CDH12: variants seen among roughly 807,000 people sequenced by gnomAD.
The protein encoded by CDH12 is cadherin 12, also known as cadherin-12.
A neutral mutation model predicts 74.1 loss-of-function variants in CDH12; 41 were observed. The ratio of observed to expected loss-of-function variants is 0.55; its 90% CI spans 0.43 to 0.72. The LOEUF is 0.72. CDH12 is among the 30% of genes least tolerant of loss of function. The probability of loss-of-function intolerance (pLI) is 0.00; values close to 1 mark genes in which losing one functional copy is unlikely to be tolerated. For missense variants in CDH12, 945 were observed against 977.2 expected (o/e 0.97, Z 0.44); for synonymous variants, 399 against 355.0 (o/e 1.12, Z -1.39).
chr5:22,420,083 C>T (rs1743573664), intron 2 of CDH12, among the ~76,000 whole-genome samples: 1 of 151,902 alleles, frequency 6.6e-6, no homozygotes, highest in Admixed American at 6.6e-5. Context: ...AAACCTTTGT[C>T]AGATGGATAC....
intron 1 of CDH12, among the ~76,000 whole-genome samples, chr5:22,683,742 T>C (rs1561575249): frequency 6.6e-6 from 1 of 152,192 alleles, no homozygotes; most frequent in Non-Finnish European, 1.5e-5. Flanking sequence ...GCAAGAGAAA[T>C]TTCAAGTATG....
intron 1 of CDH12, among the ~76,000 whole-genome samples, chr5:22,825,484 G>A (rs1257526876): frequency 1.3e-5 from 2 of 152,086 alleles, no homozygotes; most frequent in East Asian, 3.9e-4. Flanking sequence ...ATATGTTCTT[G>A]GAAGAGTAAA....
At chr5:22,054,075 G>C (rs536539683) in intron 5 of CDH12, among the ~76,000 whole-genome samples, 2 of 152,024 alleles carry the variant, frequency 1.3e-5, no homozygotes, top group East Asian at 3.9e-4. Flanking sequence ...CATGTCCTAT[G>C]ATGATGTAGT....
chr5:22,452,880 C>CAAAAAAAAAAAAAAAAAAAAAAAAAAA (rs768945480), intron 2 of CDH12, among the ~76,000 whole-genome samples: 1 of 32,204 alleles, frequency 3.1e-5, no homozygotes, highest in African/African-American at 1.5e-4. Context: ...AACCTAAGAG[C>CAAAAAAAAAAAAAAAAAAAAAAAAAAA]AAAAAAAAAA....
intron 2 of CDH12, among the ~76,000 whole-genome samples, chr5:22,488,422 T>C (rs1410245831): frequency 1.4e-4 from 21 of 152,242 alleles, no homozygotes. Flanking sequence ...GGAAGTCAAG[T>C]GAATGCAGTT....
At chr5:22,279,251 G>A (rs144285835) in intron 3 of CDH12, among the ~76,000 whole-genome samples, 32 of 152,234 alleles carry the variant, frequency 2.1e-4, no homozygotes, top group South Asian at 4.1e-4. Context: ...CAGCTATTAT[G>A]AATAGCTTCA....
chr5:22,688,342 TAAGTC>T lies in CDH12; in HGVS notation c.-523+164711_-523+164715del, dbSNP rs554953530. Among the ~76,000 whole-genome samples, 57 of 152,328 alleles carry T rather than the reference TAAGTC, an allele frequency of 3.7e-4. 1 individual carries two copies. Among genetic ancestry groups the T allele is most frequent in the African/African-American group, 1.2e-3 (51 of 41,572 alleles). On this transcript the variant is annotated intron_variant, in intron 1 of 14. Coordinates refer to ENST00000382254, the MANE Select transcript of CDH12 (RefSeq NM_004061.5). Reference sequence around the variant, plus strand: ...TTTTAACATGTTTAAAGCATTTTAATAAGTCATGTGGGTATAATGATAAAGGAGAA... The same window carrying T: ...TTTTAACATGTTTAAAGCATTTTAATATGTGGGTATAATGATAAAGGAGAA...
chr5:21,852,413 A>G (rs1750519152), intron 7 of CDH12, among the ~76,000 whole-genome samples: 2 of 151,442 alleles, frequency 1.3e-5, no homozygotes, highest in Admixed American at 1.3e-4. Context: ...TGGTAAAACA[A>G]ACTTTTTAAA....
At chr5:22,497,639 T>C (rs1403299728) in intron 2 of CDH12, among the ~76,000 whole-genome samples, 1 of 2,930 alleles carries the variant, frequency 3.4e-4, no homozygotes, top group Non-Finnish European at 9.1e-4. Flanking sequence ...GTCGAATCTC[T>C]TTTTTTTTTT....
rs575511738 is a variant in CDH12 at position 22,360,530 on chromosome 5, A to G, written c.-333+44727T>C. ...GAGGAGCTGGTACCATTCCTTCTGA[A>G]ACTATTGCAATCAATAGGAAAAGAG... On this transcript the variant is annotated intron_variant, in intron 3 of 14. Coordinates refer to ENST00000382254, the MANE Select transcript of CDH12 (RefSeq NM_004061.5). Among the ~76,000 whole-genome samples the G allele has an allele frequency of 1.8e-3, 267 of 152,346 alleles. 2 individuals carry two copies. The highest frequency in any genetic ancestry group is 6.3e-3 in the African/African-American group (264 of 41,578).
chr5:22,779,507 G>A, intron 1 of CDH12, among the ~76,000 whole-genome samples: 1 of 152,106 alleles, frequency 6.6e-6, no homozygotes, highest in East Asian at 1.9e-4. Context: ...AATAACCCCA[G>A]TTGATATAGT....
Position 22,607,711 on chromosome 5 carries a change from C to T in CDH12, c.-522-102347G>A, listed in dbSNP as rs189064345. Among the ~76,000 whole-genome samples the T allele has an allele frequency of 3.6e-3, 552 of 152,268 alleles. 1 individual carries two copies. Among genetic ancestry groups the T allele is most frequent in the African/African-American group, 0.01 (424 of 41,558 alleles). On this transcript the variant is annotated intron_variant, in intron 1 of 14. Transcript: ENST00000382254. Reference sequence around the variant, plus strand: ...GGGAAAAATGGTTTCATGGGCTGGGCCCAGGACCTTCTGCTGTGTGCAGCC... The same window carrying T: ...GGGAAAAATGGTTTCATGGGCTGGGTCCAGGACCTTCTGCTGTGTGCAGCC...
chr5:22,626,269 C>A (rs1180764377), intron 1 of CDH12, among the ~76,000 whole-genome samples: 1 of 152,230 alleles, frequency 6.6e-6, no homozygotes, highest in Non-Finnish European at 1.5e-5. Flanking sequence ...ATCACTGCAG[C>A]TTCTGACACA....
rs577925814 is a variant in CDH12, at chr5:21,980,774, G to A, written c.232-5389C>T. Among the ~76,000 whole-genome samples, 806 of 152,146 alleles carry A rather than the reference G, an allele frequency of 5.3e-3. 8 individuals are homozygous for A. The highest frequency in any genetic ancestry group is 8.3e-3 in the Non-Finnish European group (563 of 67,960). Reference sequence around the variant, plus strand: ...ATTTCTGATTTGGTATTATAGCTCTGCAAATTACTTCACTAATTGTGTTCA... The same window carrying A: ...ATTTCTGATTTGGTATTATAGCTCTACAAATTACTTCACTAATTGTGTTCA... On this transcript the variant is annotated intron_variant, in intron 5 of 14. Coordinates refer to ENST00000382254, the MANE Select transcript of CDH12 (RefSeq NM_004061.5).
At chr5:22,174,085 T>G (rs1434228878) in intron 4 of CDH12, among the ~76,000 whole-genome samples, 2 of 152,088 alleles carry the variant, frequency 1.3e-5, no homozygotes, top group Admixed American at 1.3e-4. Context: ...CACAAAACAT[T>G]TGAAGTAAGT....
Position 22,853,129 on chromosome 5 carries a change from TG to T in CDH12, c.-595del, listed in dbSNP as rs1737631913. ...CAGCAGGGTGCCAACAGCTCAGCCTTGCGCGGAAGGTGAGACCCTTCTCTTC... is the reference window on the plus strand; with the variant it reads ...CAGCAGGGTGCCAACAGCTCAGCCTTCGCGGAAGGTGAGACCCTTCTCTTC... On this transcript the variant is annotated 5_prime_UTR_variant, in exon 1 of 15. Transcript: ENST00000382254. The T allele has an allele frequency of 6.6e-6, 1 of 152,308 alleles. No homozygotes were observed. The highest frequency in any genetic ancestry group is 6.5e-5 in the Admixed American group (1 of 15,288). 9.4% of individuals were successfully genotyped at this position (152,308 alleles called of 1,614,324 possible).
intron 1 of CDH12, among the ~76,000 whole-genome samples, chr5:22,663,329 T>G (rs1259884159): frequency 2.0e-5 from 3 of 152,156 alleles, no homozygotes; most frequent in African/African-American, 7.2e-5. Context: ...ACCTTAGTAT[T>G]AGTCATTCCA....
intron 3 of CDH12, among the ~76,000 whole-genome samples, chr5:22,228,172 C>T (rs1433927853): frequency 6.6e-6 from 1 of 151,824 alleles, no homozygotes; most frequent in Non-Finnish European, 1.5e-5. Flanking sequence ...ACTATTAACA[C>T]TTAGTTATTA....
chr5:22,149,617 C>G (rs1447230695), intron 4 of CDH12, among the ~76,000 whole-genome samples: 1 of 152,168 alleles, frequency 6.6e-6, no homozygotes, highest in Non-Finnish European at 1.5e-5. Context: ...AGTAGAGTCT[C>G]TATACATCCT....
Sources: allele counts gnomAD v4.1 joint callset (sites outside exome capture counted in the v4.1 genomes callset), GRCh38; gene constraint gnomAD v4.1.1; transcripts MANE v1.5; gene names NCBI Gene and HGNC (gene_info 2026-07-23, HGNC 2026-07-21).